The following ASPH variants were observed in gnomAD, a reference collection of about 807,000 sequenced individuals.
ASPH encodes aspartate beta-hydroxylase, also known as aspartyl/asparaginyl beta-hydroxylase.
ASPH carries 100 observed loss-of-function variants against 118.4 expected under a neutral mutation model. The ratio of observed to expected loss-of-function variants is 0.84; its 90% CI spans 0.72 to 1.00. The LOEUF (loss-of-function observed/expected upper bound fraction) is 1.00. Ranked by LOEUF, ASPH falls within the 50% of genes least tolerant of loss-of-function variation. The pLI, the probability that ASPH is intolerant of heterozygous loss-of-function variation, is 0.00. For synonymous variants in ASPH, 315 were observed against 325.6 expected, an observed-to-expected ratio of 0.97 and a Z score of 0.35; for missense variants, 920 against 919.5, an observed-to-expected ratio of 1.00 and a Z score of -0.01.
intron 3 of ASPH, chr8:61,661,418 G>A (rs2151282682): frequency 6.6e-6 from 1 of 152,278 alleles, no homozygotes; most frequent in Non-Finnish European, 1.5e-5. Flanking sequence ...ACCACCTTGA[G>A]GAATAGGCAT....
chr8:61,694,610 G>A (rs1374386729), intron 1 of ASPH, among the ~76,000 whole-genome samples: 3 of 152,092 alleles, frequency 2.0e-5, no homozygotes, highest in Admixed American at 6.5e-5. Flanking sequence ...AGAATCTTGT[G>A]GCACTCCTAA....
At chr8:61,540,080 G>A in intron 21 of ASPH, among the ~76,000 whole-genome samples, 1 of 152,154 alleles carries the variant, frequency 6.6e-6, no homozygotes, top group Non-Finnish European at 1.5e-5. Flanking sequence ...AGGAAAATAA[G>A]CTGAAAAGAG....
At chr8:61,527,545 T>A (rs755212852) in intron 21 of ASPH, among the ~76,000 whole-genome samples, 2 of 152,262 alleles carry the variant, frequency 1.3e-5, no homozygotes, top group Non-Finnish European at 2.9e-5. Flanking sequence ...AATTTTATGA[T>A]ATGTATGCAT....
At chr8:61,713,048 C>A (rs1458740012) in intron 1 of ASPH, among the ~76,000 whole-genome samples, 4 of 152,184 alleles carry the variant, frequency 2.6e-5, no homozygotes, top group African/African-American at 9.7e-5. Context: ...CATTTAAGAA[C>A]AAGTGAAAAA....
chr8:61,620,915 G>A (rs1400838029), intron 13 of ASPH, among the ~76,000 whole-genome samples: 1 of 152,260 alleles, frequency 6.6e-6, no homozygotes, highest in Non-Finnish European at 1.5e-5. Context: ...TAAGGAAGGA[G>A]GAGTGGTTTG....
rs182546784 is a variant in ASPH, at chr8:61,644,998, G to A, written c.620-366C>T. ...GACCTGTCCTACCATTTTCTAGAGCGAAAGTACAGCAACTATGGATGGGAA... is the reference window on the plus strand; with the variant it reads ...GACCTGTCCTACCATTTTCTAGAGCAAAAGTACAGCAACTATGGATGGGAA... On this transcript the variant is annotated intron_variant, in intron 6 of 24. Transcript: ENST00000379454. Among the ~76,000 whole-genome samples the A allele has an allele frequency of 4.7e-4, 72 of 152,232 alleles. No homozygotes were observed. The Middle Eastern group carries it at 0.01, about 22-fold the overall frequency.
intron 16 of ASPH, among the ~76,000 whole-genome samples, chr8:61,568,230 G>GCTT (rs766568456): frequency 3.3e-5 from 5 of 152,192 alleles, no homozygotes; most frequent in Non-Finnish European, 7.3e-5. Flanking sequence ...GGGAGAGGCA[G>GCTT]AACACTCCAG....
chr8:61,638,925 A>T (rs562105144), intron 10 of ASPH, among the ~76,000 whole-genome samples: 2 of 152,170 alleles, frequency 1.3e-5, no homozygotes, highest in African/African-American at 2.4e-5. Context: ...AGTCAACCTG[A>T]TCTTCCAAAA....
chr8:61,689,045 T>A (rs1437663550), intron 1 of ASPH, among the ~76,000 whole-genome samples: 4 of 152,166 alleles, frequency 2.6e-5, no homozygotes, highest in Admixed American at 6.5e-5. Flanking sequence ...ACATAATGAG[T>A]GAATGCAGTC....
chr8:61,640,074 A>C (rs1222622231), intron 10 of ASPH, among the ~76,000 whole-genome samples: 1 of 152,182 alleles, frequency 6.6e-6, no homozygotes, highest in Non-Finnish European at 1.5e-5. Context: ...TTCCAGCTAA[A>C]GTCACCCGTT....
At chr8:61,544,484 A>G (rs1303294673) in intron 21 of ASPH, among the ~76,000 whole-genome samples, 1 of 152,214 alleles carries the variant, frequency 6.6e-6, no homozygotes, top group African/African-American at 2.4e-5. Context: ...TTTCAAGAAA[A>G]TGAATACCTT....
intron 24 of ASPH, among the ~76,000 whole-genome samples, chr8:61,505,293 A>C (rs963207477): frequency 6.6e-6 from 1 of 152,134 alleles, no homozygotes; most frequent in African/African-American, 2.4e-5. Flanking sequence ...CAGGGGTTCG[A>C]GGCCAGCCTG....
At chr8:61,624,708 C>T in intron 13 of ASPH, 1 of 985,666 alleles carries the variant, frequency 1.0e-6, no homozygotes, top group Non-Finnish European at 1.2e-6. Flanking sequence ...AATGAATCCT[C>T]AACGTCCAGA....
intron 7 of ASPH, 53 bp downstream of exon 7, chr8:61,644,547 C>A: frequency 1.5e-6 from 2 of 1,373,330 alleles, no homozygotes; most frequent in East Asian, 2.5e-5. Flanking sequence ...TTATGATGCC[C>A]TTTTAAAGGA....
chr8:61,713,794 TC>T (rs1265538583), intron 1 of ASPH, among the ~76,000 whole-genome samples: 1 of 152,140 alleles, frequency 6.6e-6, no homozygotes, highest in Non-Finnish European at 1.5e-5. Flanking sequence ...CCCAACTTCT[TC>T]CCTCCCCCTG....
At chr8:61,603,995 G>C (rs1587966351) in intron 14 of ASPH, among the ~76,000 whole-genome samples, 1 of 152,174 alleles carries the variant, frequency 6.6e-6, no homozygotes, top group African/African-American at 2.4e-5. Context: ...GTATGTTCAG[G>C]GATTTGTGAA....
intron 3 of ASPH, among the ~76,000 whole-genome samples, chr8:61,674,003 A>G (rs765830494): frequency 4.6e-5 from 7 of 152,238 alleles, no homozygotes; most frequent in Admixed American, 1.3e-4. Flanking sequence ...AATAAAGCAT[A>G]ATTAATTTCT....
At chr8:61,509,591 T>C (rs774870369) in intron 24 of ASPH, among the ~76,000 whole-genome samples, 1 of 152,140 alleles carries the variant, frequency 6.6e-6, no homozygotes, top group Non-Finnish European at 1.5e-5. Context: ...TGACCTCCTA[T>C]CTCATCCTGT....
chr8:61,655,823 C>A (rs558960050), intron 3 of ASPH, among the ~76,000 whole-genome samples: 14 of 152,130 alleles, frequency 9.2e-5, no homozygotes, highest in Admixed American at 2.0e-4. Context: ...AATACCTGGT[C>A]ATAGCTATTT....
Sources: gnomAD v4.1 joint callset for allele counts (sites outside exome capture counted in the v4.1 genomes callset) on GRCh38, gnomAD v4.1.1 for gene constraint, MANE v1.5 for transcripts, NCBI Gene and HGNC (gene_info 2026-07-23, HGNC 2026-07-21) for gene names.